Variants in PITPNM2 observed in about 807,000 individuals in gnomAD.
PITPNM2 encodes phosphatidylinositol transfer protein membrane associated 2, also known as membrane-associated phosphatidylinositol transfer protein 2.
Under a neutral mutation model 132.2 loss-of-function variants are expected in PITPNM2, and 35 were observed. The observed-to-expected ratio is 0.26, with a 90% CI of 0.20 to 0.35. The LOEUF is 0.35. Among genes scored for constraint, PITPNM2 ranks in the 10% least tolerant of loss-of-function variants. PITPNM2 has a pLI of 1.00. For missense variants in PITPNM2, 1,332 were observed against 1,912.0 expected (o/e 0.70, Z 5.66); for synonymous variants, 738 against 799.2 (o/e 0.92, Z 1.29).
intron 1 of PITPNM2, among the ~76,000 whole-genome samples, chr12:123,138,609 A>C (rs2043433965): frequency 6.6e-6 from 1 of 152,224 alleles, no homozygotes; most frequent in Non-Finnish European, 1.5e-5. Context: ...ATTTAATATA[A>C]ATATGAAATG....
At chr12:123,028,174 G>A (rs542856882) in intron 3 of PITPNM2, among the ~76,000 whole-genome samples, 24 of 152,302 alleles carry the variant, frequency 1.6e-4, no homozygotes, top group African/African-American at 2.9e-4. Flanking sequence ...CCACTCCCTC[G>A]GCGGCACACA....
In PITPNM2 at chr12:123,048,523, C is replaced by G. The variant is rs540438613; in HGVS notation, c.-95-13838G>C. 2.6e-4 allele frequency among the ~76,000 whole-genome samples: 39 copies of G among 152,266 alleles called. 1 individual carries two copies. Among genetic ancestry groups the G allele is most frequent in the Middle Eastern group, 3.4e-3 (1 of 294 alleles). On this transcript the variant is annotated intron_variant, in intron 2 of 25. Transcript: ENST00000320201. ...TGCTTCCCCGGTTCACGTCATTCTC[C>G]TGCCTCAGCCTCCCGAGTAGCTGGG...
At chr12:123,114,979 G>A (rs576338105) in intron 1 of PITPNM2, among the ~76,000 whole-genome samples, 1 of 152,312 alleles carries the variant, frequency 6.6e-6, no homozygotes, top group African/African-American at 2.4e-5. Flanking sequence ...TACAGCCTCT[G>A]AGCAGTGGGG....
chr12:122,986,648 C>G lies in PITPNM2; in HGVS notation c.3595G>C (p.Glu1199Gln). ...TGCCCCATCCTCCCGGGCCCCACCTCGGAGATGAGCAGCTTCAGGAAGTTG... is the reference window on the plus strand; with the variant it reads ...TGCCCCATCCTCCCGGGCCCCACCTGGGAGATGAGCAGCTTCAGGAAGTTG... ...KANFLKLLIS[E>Q]LHLRVHAAYG... The change falls in exon 24 of 26, where the codon GAG becomes CAG. Residue 1199 changes from glutamate (E) to glutamine (Q), a missense_variant and splice_region_variant. Glu to Gln is a conservative substitution (Grantham distance 29). This residue lies in a region of PITPNM2 where 251 missense variants were observed against 472.0 expected (regional missense o/e 0.53). Coordinates refer to ENST00000320201, the MANE Select transcript of PITPNM2 (RefSeq NM_020845.3). The G allele has an allele frequency of 6.2e-7, 1 of 1,612,344 alleles. No individual in the cohort carries two copies. The highest frequency in any genetic ancestry group is 8.5e-7 in the Non-Finnish European group (1 of 1,179,294).
In PITPNM2 at chr12:123,082,110, C is replaced by T. The variant is rs1423629140; in HGVS notation, c.-96+28275G>A. On this transcript the variant is annotated intron_variant, in intron 2 of 25. Coordinates refer to ENST00000320201, the MANE Select transcript of PITPNM2 (RefSeq NM_020845.3). This position sits in a 1 kb window ranked among gnomAD's most constrained non-coding sequence, Gnocchi z 5.4. ...CAGAAGGACCAGGACATGCTCAAAGCCCTGAATGGCCTCTCTCCACCCACT... is the reference window on the plus strand; with the variant it reads ...CAGAAGGACCAGGACATGCTCAAAGTCCTGAATGGCCTCTCTCCACCCACT... The T allele has an allele frequency of 1.3e-5, 2 of 152,314 alleles. No individual in the cohort carries two copies. Among genetic ancestry groups the T allele is most frequent in the Non-Finnish European group, 2.9e-5 (2 of 68,098 alleles). 9.4% of individuals were successfully genotyped at this position (152,314 alleles called of 1,614,324 possible). A position where few individuals can be genotyped will look rare whatever the true frequency, so the allele number is the denominator to read the frequency against.
chr12:122,994,765 C>T lies in PITPNM2; in HGVS notation c.2233+36G>A, dbSNP rs550001024. 5.1e-5 allele frequency: 81 copies of T among 1,590,192 alleles called. No individual in the cohort carries two copies. In the South Asian group the frequency reaches 8.5e-4, roughly 17 times the overall value. On this transcript the variant is annotated intron_variant, in intron 15 of 25. Transcript: ENST00000320201. This position sits in a 1 kb window ranked among gnomAD's most constrained non-coding sequence, Gnocchi z 5.4. ...GAGACCCCCGCCCCCGCACCCAGTG[C>T]ATGTACCCCCCATCCTGCCCCTGCT...
intron 2 of PITPNM2, among the ~76,000 whole-genome samples, chr12:123,042,810 C>T (rs1193459358): frequency 6.6e-6 from 1 of 152,152 alleles, no homozygotes; most frequent in African/African-American, 2.4e-5. Flanking sequence ...CTCCCCAGGC[C>T]TCCCCTAACC....
At position 123,143,178 on chromosome 12, in the gene PITPNM2, G is replaced by C. The variant is rs373360619; in HGVS notation, c.-200+7575C>G. The stretch of plus-strand genomic sequence containing the variant: ...GGGCTGTCTAGAGAGACAGCAGAGG[G>C]TGGAGCCAGCAGCACCCATAACAAG... On this transcript the variant is annotated intron_variant, in intron 1 of 25. Coordinates refer to ENST00000320201, the MANE Select transcript of PITPNM2 (RefSeq NM_020845.3). 9.6e-4 allele frequency among the ~76,000 whole-genome samples: 142 copies of C among 148,632 alleles called. No homozygotes were observed. The East Asian group carries it at 0.013, about 13-fold the overall frequency.
At chr12:123,131,077 C>T (rs2043252366) in intron 1 of PITPNM2, among the ~76,000 whole-genome samples, 1 of 152,162 alleles carries the variant, frequency 6.6e-6, no homozygotes, top group Non-Finnish European at 1.5e-5. Flanking sequence ...TTCATTCATT[C>T]AACAAATATG....
rs951291655 is a variant in PITPNM2, at chr12:122,994,126, G to A, written c.2233+675C>T. On this transcript the variant is annotated intron_variant, in intron 15 of 25. Transcript: ENST00000320201. This position sits in a 1 kb window ranked among gnomAD's most constrained non-coding sequence, Gnocchi z 5.4. ...TGACCTCAGCTGATCCGCCCGCCTCGGCCTCCCAAAGTGCTGGATTACAGG... is the reference window on the plus strand; with the variant it reads ...TGACCTCAGCTGATCCGCCCGCCTCAGCCTCCCAAAGTGCTGGATTACAGG... Among the ~76,000 whole-genome samples the A allele has an allele frequency of 3.9e-5, 6 of 152,150 alleles. No individual in the cohort carries two copies. The highest frequency in any genetic ancestry group is 1.9e-4 in the East Asian group (1 of 5,196).
chr12:123,017,375 A>C (rs187298933), intron 3 of PITPNM2, among the ~76,000 whole-genome samples: 25 of 152,266 alleles, frequency 1.6e-4, no homozygotes, highest in African/African-American at 5.3e-4. Context: ...ATCTCAAAAA[A>C]AAAAAAAAAA....
At chr12:123,133,791 AACAC>A (rs536799715) in intron 1 of PITPNM2, among the ~76,000 whole-genome samples, 111 of 89,880 alleles carry the variant, frequency 1.2e-3, no homozygotes, top group Middle Eastern at 0.01. Flanking sequence ...ATTATTAATG[AACAC>A]ACACACACAC....
chr12:123,034,213 A>G, intron 3 of PITPNM2: 1 of 349,424 alleles, frequency 2.9e-6, no homozygotes, highest in Non-Finnish European at 5.2e-6. Flanking sequence ...AACATAGGAA[A>G]ACATAGGGAT....
rs57829614 is a variant in PITPNM2, at chr12:123,119,355, AT to A, written c.-199-8868del. Reference sequence around the variant, plus strand: ...CTATCTAGAAGCATAGAGGATGGTGATTTTTTTTTTTTTTTTTTTTGAGACA... The same window carrying A: ...CTATCTAGAAGCATAGAGGATGGTGATTTTTTTTTTTTTTTTTTTGAGACA... On this transcript the variant is annotated intron_variant, in intron 1 of 25. Coordinates refer to ENST00000320201, the MANE Select transcript of PITPNM2 (RefSeq NM_020845.3). Among the ~76,000 whole-genome samples the A allele has an allele frequency of 9.3e-3, 1,207 of 129,256 alleles. 7 individuals are homozygous for A. Among genetic ancestry groups the A allele is most frequent in the African/African-American group, 0.024 (865 of 35,434 alleles). 84.8% of individuals were successfully genotyped at this position (129,256 alleles called of 152,430 possible).
chr12:123,000,654 G>T lies in PITPNM2; in HGVS notation c.1224+124C>A. 9.3e-7 allele frequency: 1 copy of T among 1,072,850 alleles called. No individual in the cohort carries two copies. The highest frequency in any genetic ancestry group is 1.4e-6 in the Non-Finnish European group (1 of 729,742). 66.5% of individuals were successfully genotyped at this position (1,072,850 alleles called of 1,614,324 possible). A position where few individuals can be genotyped will look rare whatever the true frequency, so the allele number is the denominator to read the frequency against. ...AGGCCTCTCCCCAGACAGTACCCAGGCAGGCGTGGAGGTGAGGCTGCCAGG... is the reference window on the plus strand; with the variant it reads ...AGGCCTCTCCCCAGACAGTACCCAGTCAGGCGTGGAGGTGAGGCTGCCAGG... On this transcript the variant is annotated intron_variant, in intron 10 of 25. Transcript: ENST00000320201. The surrounding 1 kb of genome is among the most constrained non-coding windows in gnomAD (Gnocchi z 5.4).
At chr12:122,989,251 G>A in intron 18 of PITPNM2, among the ~76,000 whole-genome samples, 1 of 152,138 alleles carries the variant, frequency 6.6e-6, no homozygotes, top group Admixed American at 6.5e-5. Context: ...AGGCCTCAAG[G>A]CTGGGAAAGG....
chr12:123,113,878 C>T (rs1397728312), intron 1 of PITPNM2, among the ~76,000 whole-genome samples: 1 of 152,212 alleles, frequency 6.6e-6, no homozygotes, highest in Admixed American at 6.5e-5. Context: ...CCCCTGGCAA[C>T]CACTAATCTT....
intron 2 of PITPNM2, among the ~76,000 whole-genome samples, chr12:123,061,551 C>T (rs964129974): frequency 7.9e-5 from 12 of 152,206 alleles, no homozygotes; most frequent in African/African-American, 2.4e-4. Flanking sequence ...GGATAGGAGG[C>T]GTCCCAGTGG....
At position 123,108,411 on chromosome 12, in the gene PITPNM2, G is replaced by A. The variant is rs578179161; in HGVS notation, c.-96+1974C>T. On this transcript the variant is annotated intron_variant, in intron 2 of 25. Coordinates refer to ENST00000320201, the MANE Select transcript of PITPNM2 (RefSeq NM_020845.3). The surrounding 1 kb of genome is among the most constrained non-coding windows in gnomAD (Gnocchi z 4.4). ...GAGACCAAGGCTGTGTTGAAGCAGC[G>A]TCCCTCAGAGCAATGTCAGTGCTCA... is the stretch of plus-strand genomic sequence containing the variant. Among the ~76,000 whole-genome samples the A allele has an allele frequency of 1.7e-4, 26 of 152,208 alleles. No individual in the cohort carries two copies. In the South Asian group the frequency reaches 4.4e-3, roughly 25 times the overall value.
Sources: gnomAD v4.1 joint callset for allele counts (sites outside exome capture counted in the v4.1 genomes callset) on GRCh38, gnomAD v4.1.1 for gene constraint, gnomAD v4.1.1 regional missense constraint, Gnocchi (gnomAD v3.1) non-coding constraint, MANE v1.5 for transcripts, NCBI Gene and HGNC (gene_info 2026-07-23, HGNC 2026-07-21) for gene names.